The following EGFR variants were observed in gnomAD, a reference collection of about 807,000 sequenced individuals.
The protein encoded by EGFR is avian erythroblastic leukemia viral (v-erb-b) oncogene homolog.
In EGFR, 58 loss-of-function variants were observed where a neutral mutation model predicts 143.0. That is an observed-to-expected ratio of 0.41 (90% CI 0.33 to 0.50). The LOEUF (loss-of-function observed/expected upper bound fraction) is 0.50, where lower values mean the gene tolerates loss of function less well. Ranked by LOEUF, EGFR falls within the 20% of genes least tolerant of loss-of-function variation. The probability of loss-of-function intolerance (pLI) is 0.39; values close to 1 mark genes in which losing one functional copy is unlikely to be tolerated. For missense variants in EGFR, 1,307 were observed against 1,579.0 expected, an observed-to-expected ratio of 0.83 and a Z score of 2.92; for synonymous variants, 613 against 594.4, an observed-to-expected ratio of 1.03 and a Z score of -0.45.
chr7:55,043,271 ATCTGGCAATG>A (rs1165295604), intron 1 of EGFR, among the ~76,000 whole-genome samples: 2 of 152,188 alleles, frequency 1.3e-5, no homozygotes, highest in Non-Finnish European at 2.9e-5. Flanking sequence ...CCTGGGAGAC[ATCTGGCAATG>A]TTTGGAGAAC....
chr7:55,139,168 G>T (rs887824), intron 1 of EGFR, among the ~76,000 whole-genome samples: 12,925 of 152,162 alleles, frequency 0.085, 689 homozygotes, highest in Middle Eastern at 0.17. Flanking sequence ...CAACGTTATT[G>T]TCACCATTTT....
chr7:55,046,478 C>T (rs1259587991), intron 1 of EGFR, among the ~76,000 whole-genome samples: 4 of 152,012 alleles, frequency 2.6e-5, no homozygotes, highest in Admixed American at 2.0e-4. Context: ...GGCTGCCCTT[C>T]ATGGCTCTGG....
intron 13 of EGFR, among the ~76,000 whole-genome samples, chr7:55,162,276 C>A (rs1478946567): frequency 6.6e-6 from 1 of 152,168 alleles, no homozygotes; most frequent in African/African-American, 2.4e-5. Context: ...GGATAGAGGC[C>A]AAGGCCATGT....
intron 21 of EGFR, 123 bp downstream of exon 21, chr7:55,191,997 C>CGCAGCAGCTGCCA: frequency 9.7e-6 from 14 of 1,445,682 alleles, no homozygotes; most frequent in Non-Finnish European, 1.2e-5. Flanking sequence ...TGGGTGAGCT[C>CGCAGCAGCTGCCA]GCAGCAGCTG....
chr7:55,187,769 CT>C (rs144568293), intron 20 of EGFR, among the ~76,000 whole-genome samples: 5,061 of 152,294 alleles, frequency 0.033, 273 homozygotes, highest in African/African-American at 0.11. Context: ...CAGAGCCCCC[CT>C]GAACCCCATC....
At position 55,019,162 on chromosome 7, in the gene EGFR, G is replaced by T; in HGVS notation, c.-116G>T. The T allele has an allele frequency of 1.2e-6, 1 of 837,218 alleles. No individual in the cohort carries two copies. Among genetic ancestry groups the T allele is most frequent in the Non-Finnish European group, 1.7e-6 (1 of 571,758 alleles). 51.9% of individuals were successfully genotyped at this position (837,218 alleles called of 1,614,324 possible). A position where few individuals can be genotyped will look rare whatever the true frequency, so the allele number is the denominator to read the frequency against. On this transcript the variant is annotated 5_prime_UTR_variant, in exon 1 of 28. Transcript: ENST00000275493. ...CCCAGACCGGACGACAGGCCACCTCGTCGGCGTCCGCCCGAGTCCCCGCCT... is the reference window on the plus strand; with the variant it reads ...CCCAGACCGGACGACAGGCCACCTCTTCGGCGTCCGCCCGAGTCCCCGCCT...
chr7:55,038,578 C>G (rs1787729001), intron 1 of EGFR, among the ~76,000 whole-genome samples: 1 of 152,148 alleles, frequency 6.6e-6, no homozygotes, highest in South Asian at 2.1e-4. Flanking sequence ...AAGTCATTTT[C>G]TCAAACTGGG....
intron 27 of EGFR, among the ~76,000 whole-genome samples, chr7:55,203,711 C>T (rs1334031409): frequency 7.0e-6 from 1 of 142,518 alleles, no homozygotes; most frequent in East Asian, 2.0e-4. Context: ...ACCACACATA[C>T]ACACACGTAG....
chr7:55,185,483 C>T (rs903626615), intron 20 of EGFR, among the ~76,000 whole-genome samples: 5 of 152,220 alleles, frequency 3.3e-5, no homozygotes, highest in African/African-American at 9.6e-5. Context: ...TCATCCGTGC[C>T]GTTTGGAAAG....
chr7:55,126,801 G>A (rs1336132271), intron 1 of EGFR, among the ~76,000 whole-genome samples: 1 of 152,192 alleles, frequency 6.6e-6, no homozygotes, highest in Non-Finnish European at 1.5e-5. Context: ...AAACTATAAA[G>A]TATTTTATAA....
chr7:55,169,929 T>C (rs771803109), intron 15 of EGFR, among the ~76,000 whole-genome samples: 9 of 152,242 alleles, frequency 5.9e-5, no homozygotes, highest in Non-Finnish European at 1.3e-4. Context: ...CTGCCGGGTG[T>C]TCCCATTGTA....
intron 11 of EGFR, among the ~76,000 whole-genome samples, chr7:55,158,711 T>C (rs1785548532): frequency 3.9e-5 from 6 of 152,198 alleles, no homozygotes; most frequent in Admixed American, 3.9e-4. Context: ...TGATTCCAGC[T>C]CCTACTGAGA....
intron 1 of EGFR, among the ~76,000 whole-genome samples, chr7:55,029,504 T>C (rs147805767): frequency 6.6e-6 from 1 of 152,286 alleles, no homozygotes; most frequent in East Asian, 1.9e-4. Flanking sequence ...GAAAGAAAAA[T>C]TTTTATAAAT....
chr7:55,095,099 G>A (rs549485659), intron 1 of EGFR, among the ~76,000 whole-genome samples: 45 of 152,262 alleles, frequency 3.0e-4, no homozygotes, highest in Admixed American at 1.8e-3. Context: ...TCTCCCTGAC[G>A]CTAGCACAGC....
chr7:55,170,514 T>C (rs752117680), intron 15 of EGFR: 18 of 1,613,736 alleles, frequency 1.1e-5, no homozygotes, highest in Non-Finnish European at 1.4e-5. Flanking sequence ...CTTCTGCATC[T>C]GTGATCATCA....
intron 1 of EGFR, among the ~76,000 whole-genome samples, chr7:55,124,484 G>T (rs537937853): frequency 6.6e-6 from 1 of 152,252 alleles, no homozygotes; most frequent in South Asian, 2.1e-4. Flanking sequence ...GCAACTTATG[G>T]TTGAAAAACT....
chr7:55,196,537 G>A (rs1030072525), intron 22 of EGFR, among the ~76,000 whole-genome samples: 7 of 152,038 alleles, frequency 4.6e-5, no homozygotes, highest in South Asian at 2.1e-4. Context: ...GATCCCATTT[G>A]TCAATTTTTG....
rs1335156520 is a variant in EGFR at position 55,152,665 on chromosome 7, G to A, written c.747+1G>A. On this transcript the variant is annotated splice_donor_variant, in intron 6 of 27. Coordinates refer to ENST00000275493, the MANE Select transcript of EGFR (RefSeq NM_005228.5). LOFTEE classifies it high-confidence loss of function. Reference sequence around the variant, plus strand: ...AGGCCCCCGGGAGAGCGACTGCCTGGTAAGATGCCCCTCCAGCAGCCTCCC... The same window carrying A: ...AGGCCCCCGGGAGAGCGACTGCCTGATAAGATGCCCCTCCAGCAGCCTCCC... 2.5e-6 allele frequency: 4 copies of A among 1,612,982 alleles called. No individual in the cohort carries two copies. The highest frequency in any genetic ancestry group is 3.4e-6 in the Non-Finnish European group (4 of 1,179,634).
intron 4 of EGFR, among the ~76,000 whole-genome samples, chr7:55,149,011 TC>T (rs1260303844): frequency 2.6e-5 from 4 of 152,172 alleles, no homozygotes; most frequent in Middle Eastern, 3.2e-3. Context: ...GAAAATTAAA[TC>T]CATCACCCAC....
Sources: allele counts gnomAD v4.1 joint callset (sites outside exome capture counted in the v4.1 genomes callset), GRCh38; gene constraint gnomAD v4.1.1; transcripts MANE v1.5; gene names NCBI Gene and HGNC (gene_info 2026-07-23, HGNC 2026-07-21).